The following MYO1E variants were observed in gnomAD, a reference collection of about 807,000 sequenced individuals.
MYO1E encodes the protein myosin IE, also known as unconventional myosin-Ie.
In MYO1E, 68 loss-of-function variants were observed where a neutral mutation model predicts 151.1. The observed-to-expected ratio is 0.45, with a 90% CI of 0.37 to 0.55. The LOEUF is 0.55. Among genes scored for constraint, MYO1E ranks in the 20% least tolerant of loss-of-function variants. MYO1E has a pLI of 0.00. For synonymous variants in MYO1E, 601 were observed against 501.7 expected (o/e 1.20, Z -2.64); for missense variants, 1,363 against 1,389.3 (o/e 0.98, Z 0.30).
chr15:59,208,368 A>G (rs1402926744), intron 14 of MYO1E: 4 of 556,366 alleles, frequency 7.2e-6, no homozygotes, highest in Non-Finnish European at 1.3e-5. Flanking sequence ...GGATGTAGGT[A>G]TTTATTGTGT....
chr15:59,157,067 A>C (rs1181519730), intron 25 of MYO1E, among the ~76,000 whole-genome samples: 1 of 133,550 alleles, frequency 7.5e-6, no homozygotes. Context: ...TACAAAGAGT[A>C]AAAAAAAAAA....
At chr15:59,349,880 C>A (rs1196114321) in intron 1 of MYO1E, among the ~76,000 whole-genome samples, 1 of 152,168 alleles carries the variant, frequency 6.6e-6, no homozygotes, top group Non-Finnish European at 1.5e-5. Context: ...GAAATGATAT[C>A]ATTTCCCTAA....
intron 5 of MYO1E, among the ~76,000 whole-genome samples, chr15:59,233,474 GC>G (rs1400135120): frequency 6.6e-6 from 1 of 151,886 alleles, no homozygotes; most frequent in Non-Finnish European, 1.5e-5. Flanking sequence ...GACCATCCTG[GC>G]CAGCATGGTG....
At chr15:59,223,005 T>C in intron 9 of MYO1E, 54 bp downstream of exon 9, 1 of 1,610,766 alleles carries the variant, frequency 6.2e-7, no homozygotes, top group Non-Finnish European at 8.5e-7. Flanking sequence ...CTAGGTTACT[T>C]CTAATCAGAG....
chr15:59,340,822 G>C (rs2080760480), intron 1 of MYO1E, among the ~76,000 whole-genome samples: 1 of 151,884 alleles, frequency 6.6e-6, no homozygotes, highest in Admixed American at 6.6e-5. Flanking sequence ...AGCAGTTCAA[G>C]ACCAGCCTGG....
Position 59,149,596 on chromosome 15 carries a change from A to C in MYO1E, c.3080+3994T>G, listed in dbSNP as rs2079464450. Among the ~76,000 whole-genome samples, 3 of 152,248 alleles carry C rather than the reference A, an allele frequency of 2.0e-5. No homozygotes were observed. In the South Asian group the frequency reaches 6.2e-4, roughly 32 times the overall value. ...TGGTAATTAATTTAGTGAAATCTTC[A>C]TGCTCTCTTCAGAACAACTGATTGA... is the stretch of plus-strand genomic sequence containing the variant. On this transcript the variant is annotated intron_variant, in intron 26 of 27. Coordinates refer to ENST00000288235, the MANE Select transcript of MYO1E (RefSeq NM_004998.4).
At chr15:59,343,562 G>T (rs1373625117) in intron 1 of MYO1E, among the ~76,000 whole-genome samples, 1 of 152,020 alleles carries the variant, frequency 6.6e-6, no homozygotes, top group Non-Finnish European at 1.5e-5. Context: ...TGTTTGGGAA[G>T]TTATCTTATT....
intron 1 of MYO1E, among the ~76,000 whole-genome samples, chr15:59,272,909 C>T (rs566584689): frequency 3.7e-4 from 57 of 152,186 alleles, no homozygotes; most frequent in Non-Finnish European, 7.5e-4. Context: ...GTTTTGCAAA[C>T]TACATGACAG....
At chr15:59,160,534 G>A (rs1229930617) in intron 24 of MYO1E, among the ~76,000 whole-genome samples, 2 of 151,470 alleles carry the variant, frequency 1.3e-5, no homozygotes, top group Non-Finnish European at 2.9e-5. Context: ...CTCAGCCTCC[G>A]GAGTGGCTGG....
chr15:59,316,560 G>C (rs1274878047), intron 1 of MYO1E, among the ~76,000 whole-genome samples: 4 of 152,194 alleles, frequency 2.6e-5, no homozygotes, highest in African/African-American at 4.8e-5. Context: ...CTGATATTAA[G>C]ACCAAATAAC....
chr15:59,172,965 AT>A (rs1596351310), intron 21 of MYO1E, among the ~76,000 whole-genome samples: 1 of 152,086 alleles, frequency 6.6e-6, no homozygotes, highest in African/African-American at 2.4e-5. Context: ...ATTTCGTTAA[AT>A]TTTTTTCTTG....
intron 1 of MYO1E, among the ~76,000 whole-genome samples, chr15:59,288,806 C>T (rs986921589): frequency 9.9e-5 from 15 of 152,142 alleles, no homozygotes; most frequent in East Asian, 3.9e-4. Context: ...AATAGGGATC[C>T]GCCACAGAAA....
intron 3 of MYO1E, among the ~76,000 whole-genome samples, chr15:59,257,335 G>A (rs2080199400): frequency 6.6e-6 from 1 of 152,190 alleles, no homozygotes; most frequent in South Asian, 2.1e-4. Context: ...GGGTGTGGTA[G>A]CACATGCCTG....
rs140303127 is a variant in MYO1E at position 59,201,990 on chromosome 15, C to G, written c.1698+336G>C. ...TGGCCTGGTAAACTGTCAACAGTATCCAAAACATGGCTCCGAACCATATTT... is the reference window on the plus strand; with the variant it reads ...TGGCCTGGTAAACTGTCAACAGTATGCAAAACATGGCTCCGAACCATATTT... On this transcript the variant is annotated intron_variant, in intron 16 of 27. Transcript: ENST00000288235. Among the ~76,000 whole-genome samples, 112 of 152,312 alleles carry G rather than the reference C, an allele frequency of 7.4e-4. 1 individual carries two copies. Among genetic ancestry groups the G allele is most frequent in the African/African-American group, 2.6e-3 (108 of 41,570 alleles).
intron 26 of MYO1E, among the ~76,000 whole-genome samples, chr15:59,149,772 G>C (rs1432646286): frequency 6.6e-6 from 1 of 152,204 alleles, no homozygotes; most frequent in African/African-American, 2.4e-5. Flanking sequence ...CTCAGAATGT[G>C]AAAGCCAGGA....
In MYO1E at chr15:59,223,056, C is replaced by A; in HGVS notation, c.910+3G>T. The A allele has an allele frequency of 6.2e-7, 1 of 1,613,918 alleles. No homozygotes were observed. The highest frequency in any genetic ancestry group is 8.5e-7 in the Non-Finnish European group (1 of 1,180,008). Reference sequence around the variant, plus strand: ...TCAATGGCCACATGCCAGGGCTACGCACACTCTTCACTCTCCACAGCCGCG... The same window carrying A: ...TCAATGGCCACATGCCAGGGCTACGAACACTCTTCACTCTCCACAGCCGCG... On this transcript the variant is annotated splice_donor_region_variant and intron_variant, in intron 9 of 27. Transcript: ENST00000288235.
At chr15:59,256,406 AAAT>A (rs751538230) in intron 3 of MYO1E, 28 bp from the exon 4 acceptor site, 18 of 1,258,152 alleles carry the variant, frequency 1.4e-5, no homozygotes, top group African/African-American at 4.6e-5. Context: ...AATAATACAT[AAAT>A]AATAATAAAA....
At chr15:59,210,712 GC>G (rs2079873637) in intron 12 of MYO1E, 112 bp from the exon 13 acceptor site, 3 of 739,202 alleles carry the variant, frequency 4.1e-6, no homozygotes, top group Non-Finnish European at 7.3e-6. Context: ...TGAATGTCCT[GC>G]AACAAAGACC....
At chr15:59,279,460 T>C (rs1189292055) in intron 1 of MYO1E, among the ~76,000 whole-genome samples, 2 of 152,182 alleles carry the variant, frequency 1.3e-5, no homozygotes, top group African/African-American at 4.8e-5. Flanking sequence ...TGTGACCAAC[T>C]TGATCTCAAA....
Sources: allele counts gnomAD v4.1 joint callset (sites outside exome capture counted in the v4.1 genomes callset), GRCh38; gene constraint gnomAD v4.1.1; transcripts MANE v1.5; gene names NCBI Gene and HGNC (gene_info 2026-07-23, HGNC 2026-07-21).